The following TMEM175 variants were observed in gnomAD, a reference collection of about 807,000 sequenced individuals.
TMEM175 encodes transmembrane protein 175, also known as endosomal/lysosomal proton channel TMEM175.
TMEM175 carries 36 observed loss-of-function variants against 36.5 expected under a neutral mutation model. The ratio of observed to expected loss-of-function variants is 0.99; its 90% confidence interval spans 0.76 to 1.30. The LOEUF (loss-of-function observed/expected upper bound fraction) is 1.30, where lower values mean the gene tolerates loss of function less well. Among genes scored for constraint, TMEM175 ranks in the 50% most tolerant of loss-of-function variants. TMEM175 has a pLI of 0.00. For missense variants in TMEM175, 705 were observed against 692.8 expected, an observed-to-expected ratio of 1.02 and a Z score of -0.20; for synonymous variants, 339 against 313.4, an observed-to-expected ratio of 1.08 and a Z score of -0.86.
chr4:958,259 C>T lies in TMEM175; in HGVS notation c.1278C>T (p.Tyr426=), dbSNP rs904534531. Residue 426 remains tyrosine (Y), a synonymous_variant, in exon 11 of 11, where the codon TAC becomes TAT. Transcript: ENST00000264771. ...HVLMFAKLAL[Y]PCASLLAFAS... is the part of the protein sequence containing the mutation. ...TCATGTTCGCCAAGCTGGCGCTGTACCCCTGTGCCAGCCTGCTGGCCTTCG... is the reference window on the plus strand; with the variant it reads ...TCATGTTCGCCAAGCTGGCGCTGTATCCCTGTGCCAGCCTGCTGGCCTTCG... 7 of 1,606,188 alleles carry T rather than the reference C, an allele frequency of 4.4e-6. No individual in the cohort carries two copies. Among genetic ancestry groups the T allele is most frequent in the Non-Finnish European group, 5.9e-6 (7 of 1,179,210 alleles).
chr4:932,584 T>G lies in TMEM175; in HGVS notation c.-32+44T>G. On this transcript the variant is annotated intron_variant, in intron 1 of 10. Transcript: ENST00000264771. The surrounding 1 kb of genome is among the most constrained non-coding windows in gnomAD (Gnocchi z 4.0). ...CCAGCTCCCGGTACCGTTCCCCACA[T>G]GGTCTGTTTTGTGGGAGGCTCCTTC... The G allele has an allele frequency of 5.0e-6, 2 of 396,524 alleles. No homozygotes were observed. 24.6% of individuals were successfully genotyped at this position (396,524 alleles called of 1,614,324 possible).
chr4:934,217 G>T (rs1164222348), intron 1 of TMEM175, among the ~76,000 whole-genome samples: 3 of 152,252 alleles, frequency 2.0e-5, no homozygotes, highest in Non-Finnish European at 4.4e-5. Flanking sequence ...AGAGGTGGCA[G>T]TTGGCTCTAG....
chr4:949,787 A>G (rs1024195047), intron 3 of TMEM175, among the ~76,000 whole-genome samples: 2 of 143,510 alleles, frequency 1.4e-5, no homozygotes, highest in Admixed American at 6.8e-5. Context: ...GGTCCCTCGC[A>G]GCTTCCACAG....
At chr4:940,659 A>T (rs1727335889) in intron 1 of TMEM175, among the ~76,000 whole-genome samples, 1 of 152,060 alleles carries the variant, frequency 6.6e-6, no homozygotes, top group South Asian at 2.1e-4. Flanking sequence ...TGATGTATGA[A>T]TATTTGCTTG....
Position 958,087 on chromosome 4 carries a change from C to A in TMEM175, c.1106C>A (p.Pro369His), listed in dbSNP as rs756372733. 2 of 1,607,436 alleles carry A rather than the reference C, an allele frequency of 1.2e-6. No homozygotes were observed. Among genetic ancestry groups the A allele is most frequent in the Non-Finnish European group, 1.7e-6 (2 of 1,179,704 alleles). Residue 369 changes from proline to histidine, a missense_variant, in exon 11 of 11, where the codon CCC becomes CAC. Transcript: ENST00000264771. ...CAGACCTCGGCCTTCGCCCGGCAGC[C>A]CCGCGATGAGCTGGAGCGCGTGCGT... ...YQQTSAFARQ[P>H]RDELERVRVS...
intron 4 of TMEM175, 80 bp from the exon 5 acceptor site, chr4:951,127 A>G: frequency 7.7e-7 from 1 of 1,300,186 alleles, no homozygotes; most frequent in Middle Eastern, 1.8e-4. Context: ...TTTTAACCAG[A>G]AGATGCTGGA....
chr4:958,247 G>C lies in TMEM175; in HGVS notation c.1266G>C (p.Lys422Asn). Residue 422 changes from lysine (K) to asparagine (N), a missense_variant, in exon 11 of 11, where the codon AAG (lysine) becomes AAC (asparagine). Lys to Asn is a moderately conservative substitution (Grantham distance 94, BLOSUM62 0). Coordinates refer to ENST00000264771, the MANE Select transcript of TMEM175 (RefSeq NM_032326.4). Reference protein sequence around the residue: ...GGREHVLMFAKLALYPCASLL... With the variant: ...GGREHVLMFANLALYPCASLL... ...GGGAGCATGTGCTCATGTTCGCCAA[G>C]CTGGCGCTGTACCCCTGTGCCAGCC... The C allele has an allele frequency of 1.2e-6, 2 of 1,605,170 alleles. No individual in the cohort carries two copies. The highest frequency in any genetic ancestry group is 2.2e-5 in the South Asian group (2 of 91,062).
chr4:940,866 C>T (rs1389550169), intron 1 of TMEM175, among the ~76,000 whole-genome samples: 3 of 151,208 alleles, frequency 2.0e-5, no homozygotes, highest in Non-Finnish European at 2.9e-5. Context: ...ATTAGCCAGG[C>T]GTGGTGGCGT....
intron 1 of TMEM175, among the ~76,000 whole-genome samples, chr4:942,030 A>AACTTTTGTATGTG (rs1560476443): frequency 6.6e-6 from 1 of 151,864 alleles, no homozygotes; most frequent in Non-Finnish European, 1.5e-5. Flanking sequence ...TTGTATGTGT[A>AACTTTTGTATGTG]TTAATTAGGT....
At chr4:935,751 A>G (rs1317254985) in intron 1 of TMEM175, among the ~76,000 whole-genome samples, 2 of 152,264 alleles carry the variant, frequency 1.3e-5, no homozygotes, top group African/African-American at 4.8e-5. Context: ...AAGCCTGATC[A>G]TATTCTGTTC....
chr4:935,862 T>TGG (rs1726722493), intron 1 of TMEM175, among the ~76,000 whole-genome samples: 1 of 152,232 alleles, frequency 6.6e-6, no homozygotes, highest in African/African-American at 2.4e-5. Flanking sequence ...ACTGAATAAC[T>TGG]CACTTTTGTT....
At chr4:954,018 G>A (rs1318240884) in intron 8 of TMEM175, among the ~76,000 whole-genome samples, 3 of 150,306 alleles carry the variant, frequency 2.0e-5, no homozygotes, top group South Asian at 2.1e-4. Flanking sequence ...TTCTTGAGAC[G>A]GAGTTTTGCT....
intron 1 of TMEM175, among the ~76,000 whole-genome samples, chr4:941,764 C>T (rs1018148809): frequency 4.6e-5 from 7 of 151,744 alleles, no homozygotes; most frequent in South Asian, 2.1e-4. Flanking sequence ...AAACCTAAAA[C>T]GGCTTAAAGA....
At chr4:956,787 G>A in intron 10 of TMEM175, 1 of 313,362 alleles carries the variant, frequency 3.2e-6, no homozygotes, top group South Asian at 2.6e-5. Context: ...CCATCCTTTT[G>A]GAGTGTCTTG....
intron 10 of TMEM175, chr4:956,774 C>T (rs1729711574): frequency 9.4e-6 from 3 of 320,060 alleles, no homozygotes; most frequent in Admixed American, 9.8e-5. Context: ...TTTTTTACAT[C>T]TTCCATCCTT....
Position 952,252 on chromosome 4 carries a change from CA to C in TMEM175, c.379-114del, listed in dbSNP as rs1339347026. The C allele has an allele frequency of 1.9e-5, 17 of 911,580 alleles. No individual in the cohort carries two copies. In the East Asian group the frequency reaches 4.1e-4, roughly 22 times the overall value. The allele number at this position is 911,580 out of a possible 1,614,324, so 56.5% of individuals were successfully genotyped here. A position where few individuals can be genotyped will look rare whatever the true frequency, so the allele number is the denominator to read the frequency against. ...AGCTGGCGCCATCCTGTGATGGCCC[CA>C]CCGCATCTCCCAGCGTCCCGTGGAG... is the stretch of plus-strand genomic sequence containing the variant. On this transcript the variant is annotated intron_variant, in intron 6 of 10. Coordinates refer to ENST00000264771, the MANE Select transcript of TMEM175 (RefSeq NM_032326.4).
chr4:941,354 T>C (rs1273129640), intron 1 of TMEM175, among the ~76,000 whole-genome samples: 8 of 118,830 alleles, frequency 6.7e-5, no homozygotes, highest in Non-Finnish European at 6.5e-5. Flanking sequence ...CCAGCCTGGG[T>C]AGCAAGAGCG....
chr4:945,581 C>T (rs925437836), intron 1 of TMEM175, among the ~76,000 whole-genome samples: 5 of 152,186 alleles, frequency 3.3e-5, no homozygotes, highest in African/African-American at 1.2e-4. Flanking sequence ...GAGCCTCTGT[C>T]CATTCTCTGG....
chr4:933,604 G>A (rs567922340), intron 1 of TMEM175, among the ~76,000 whole-genome samples: 2 of 152,302 alleles, frequency 1.3e-5, no homozygotes, highest in Middle Eastern at 6.8e-3. Context: ...ATTACCTAGA[G>A]TGGTCCCTTG....
Sources: allele counts gnomAD v4.1 joint callset (sites outside exome capture counted in the v4.1 genomes callset), GRCh38; gene constraint gnomAD v4.1.1; non-coding constraint Gnocchi (gnomAD v3.1); transcripts MANE v1.5; gene names NCBI Gene and HGNC (gene_info 2026-07-23, HGNC 2026-07-21).